The following PITPNC1 variants were observed in gnomAD, a reference collection of about 807,000 sequenced individuals.
PITPNC1 encodes cytoplasmic phosphatidylinositol transfer protein 1.
A neutral mutation model predicts 44.7 loss-of-function variants in PITPNC1; 18 were observed. The ratio of observed to expected loss-of-function variants is 0.40; its 90% CI spans 0.28 to 0.60. PITPNC1 has a LOEUF of 0.60. PITPNC1 is among the 20% of genes least tolerant of loss of function. The pLI is 0.39. For missense variants in PITPNC1, 290 were observed against 418.4 expected (o/e 0.69, Z 2.68); for synonymous variants, 141 against 149.6 (o/e 0.94, Z 0.42).
At chr17:67,536,332 T>C (rs529061389) in intron 2 of PITPNC1, among the ~76,000 whole-genome samples, 38 of 152,336 alleles carry the variant, frequency 2.5e-4, no homozygotes, top group African/African-American at 8.9e-4. Context: ...TGGTGCAATC[T>C]CGTGCCTTAG....
chr17:67,435,101 T>G (rs981637923), intron 1 of PITPNC1, among the ~76,000 whole-genome samples: 20 of 92,386 alleles, frequency 2.2e-4, no homozygotes, highest in African/African-American at 9.0e-4. Context: ...AGAGCGAGAC[T>G]CCATCTCAAA....
chr17:67,635,310 A>G (rs2042020403), intron 6 of PITPNC1, among the ~76,000 whole-genome samples: 1 of 152,158 alleles, frequency 6.6e-6, no homozygotes, highest in South Asian at 2.1e-4. Flanking sequence ...TATTTTGAAG[A>G]TGAGTTGACA....
chr17:67,647,867 G>C (rs1598930534), intron 6 of PITPNC1, among the ~76,000 whole-genome samples: 1 of 152,048 alleles, frequency 6.6e-6, no homozygotes, highest in Non-Finnish European at 1.5e-5. Flanking sequence ...ACCCCACAAG[G>C]TGCTCCCGGG....
At chr17:67,689,672 G>A (rs1430546568) in intron 8 of PITPNC1, among the ~76,000 whole-genome samples, 1 of 152,166 alleles carries the variant, frequency 6.6e-6, no homozygotes, top group Non-Finnish European at 1.5e-5. Context: ...CAGGTTCAAA[G>A]CCTTCAAGGA....
At chr17:67,606,346 G>A (rs1345574213) in intron 5 of PITPNC1, among the ~76,000 whole-genome samples, 1 of 152,160 alleles carries the variant, frequency 6.6e-6, no homozygotes, top group Non-Finnish European at 1.5e-5. Flanking sequence ...GGTTTTTGTT[G>A]TTATTATTAA....
intron 6 of PITPNC1, among the ~76,000 whole-genome samples, chr17:67,664,661 C>T (rs906663691): frequency 5.9e-5 from 9 of 152,018 alleles, no homozygotes; most frequent in Admixed American, 6.6e-5. Context: ...GCCAGCACTT[C>T]GGGAGGTCGA....
intron 1 of PITPNC1, among the ~76,000 whole-genome samples, chr17:67,523,898 G>A (rs777260025): frequency 7.5e-6 from 1 of 133,598 alleles, no homozygotes; most frequent in Non-Finnish European, 1.5e-5. Context: ...TGCAACCTCC[G>A]CCTCCCGGGT....
intron 7 of PITPNC1, among the ~76,000 whole-genome samples, chr17:67,671,980 G>T (rs1481127987): frequency 1.3e-5 from 2 of 151,946 alleles, no homozygotes; most frequent in East Asian, 3.9e-4. Context: ...TGTTGCCCAG[G>T]CTGGAGTGCA....
At chr17:67,472,539 C>G (rs2039556179) in intron 1 of PITPNC1, among the ~76,000 whole-genome samples, 1 of 150,298 alleles carries the variant, frequency 6.7e-6, no homozygotes, top group Non-Finnish European at 1.5e-5. Flanking sequence ...CCCAGCTACT[C>G]AGGAGGCTGA....
At chr17:67,640,685 G>GAAAAAAAA (rs71139165) in intron 6 of PITPNC1, among the ~76,000 whole-genome samples, 1 of 100,236 alleles carries the variant, frequency 1.0e-5, no homozygotes, top group Admixed American at 1.2e-4. Context: ...TGTTGAAAAA[G>GAAAAAAAA]AAAAAAAAAA....
chr17:67,573,971 A>G (rs2041100015), intron 4 of PITPNC1, among the ~76,000 whole-genome samples: 1 of 152,182 alleles, frequency 6.6e-6, no homozygotes. Context: ...TTTATTTTTT[A>G]AGACTGTGTC....
intron 4 of PITPNC1, among the ~76,000 whole-genome samples, chr17:67,576,372 T>A (rs2041150433): frequency 6.6e-6 from 1 of 152,058 alleles, no homozygotes; most frequent in East Asian, 1.9e-4. Flanking sequence ...TAATAGTACC[T>A]CCTTCACGGG....
intron 5 of PITPNC1, among the ~76,000 whole-genome samples, chr17:67,618,364 CAA>C (rs11417487): frequency 1.3e-5 from 1 of 76,872 alleles, no homozygotes. Flanking sequence ...GACTCCGTCT[CAA>C]AAAAAAAAAA....
intron 1 of PITPNC1, among the ~76,000 whole-genome samples, chr17:67,509,294 A>G (rs879586737): frequency 2.0e-5 from 3 of 148,504 alleles, no homozygotes; most frequent in South Asian, 2.2e-4. Flanking sequence ...AGTACTTTGG[A>G]AGGCCAAGGC....
intron 8 of PITPNC1, among the ~76,000 whole-genome samples, chr17:67,679,426 G>C (rs2042662905): frequency 6.6e-6 from 1 of 152,220 alleles, no homozygotes; most frequent in Admixed American, 6.5e-5. Context: ...CTGAATTTGA[G>C]CCCCATTTGC....
At chr17:67,516,533 TGCAGGG>T (rs1433712336) in intron 1 of PITPNC1, among the ~76,000 whole-genome samples, 1 of 152,208 alleles carries the variant, frequency 6.6e-6, no homozygotes, top group Non-Finnish European at 1.5e-5. Flanking sequence ...GTCATGCATC[TGCAGGG>T]GTCCTAGTGA....
intron 6 of PITPNC1, among the ~76,000 whole-genome samples, chr17:67,661,225 G>A (rs1048521661): frequency 6.6e-6 from 1 of 151,794 alleles, no homozygotes; most frequent in Non-Finnish European, 1.5e-5. Flanking sequence ...GTTGGTTTAG[G>A]CAATGGAAAC....
chr17:67,666,206 G>A (rs914394578), intron 6 of PITPNC1, among the ~76,000 whole-genome samples: 1 of 152,154 alleles, frequency 6.6e-6, no homozygotes, highest in African/African-American at 2.4e-5. Flanking sequence ...ATGTTGGCCA[G>A]GCTGGCCTTG....
chr17:67,404,458 C>G (rs1026644089), intron 1 of PITPNC1, among the ~76,000 whole-genome samples: 5 of 152,072 alleles, frequency 3.3e-5, no homozygotes, highest in Non-Finnish European at 2.9e-5. Context: ...TTCAGAAACT[C>G]AGATGTAATA....
Sources: allele counts gnomAD v4.1 joint callset (sites outside exome capture counted in the v4.1 genomes callset), GRCh38; gene constraint gnomAD v4.1.1; transcripts MANE v1.5; gene names NCBI Gene and HGNC (gene_info 2026-07-23, HGNC 2026-07-21).